Variants in TBC1D16 observed in about 807,000 individuals in gnomAD.
TBC1D16 encodes the protein TBC1 domain family member 16, also known as CTD-2529O21.1.
In TBC1D16, 58 loss-of-function variants were observed where a neutral mutation model predicts 74.7. The ratio of observed to expected loss-of-function variants is 0.78; its 90% confidence interval spans 0.63 to 0.97. The LOEUF is 0.97. Ranked by LOEUF, TBC1D16 falls within the 50% of genes least tolerant of loss-of-function variation. The probability of loss-of-function intolerance (pLI) is 0.00; values close to 1 mark genes in which losing one functional copy is unlikely to be tolerated. For synonymous variants in TBC1D16, 493 were observed against 474.7 expected, an observed-to-expected ratio of 1.04 and a Z score of -0.50; for missense variants, 1,014 against 1,079.5, an observed-to-expected ratio of 0.94 and a Z score of 0.85.
chr17:79,937,547 T>G lies in TBC1D16; in HGVS notation c.*3312A>C, dbSNP rs1598300752. ...ACAGTGGCTGCTCATGGAGCTGCCC[T>G]CCCACCTTCAGACCCTCCTCCTCCC... is the stretch of plus-strand genomic sequence containing the variant. On this transcript the variant is annotated 3_prime_UTR_variant, in exon 12 of 12. Transcript: ENST00000310924. 6.6e-6 allele frequency: 1 copy of G among 152,284 alleles called. No individual in the cohort carries two copies. Among genetic ancestry groups the G allele is most frequent in the East Asian group, 1.9e-4 (1 of 5,192 alleles). The allele number at this position is 152,284 out of a possible 1,614,324, so 9.4% of individuals were successfully genotyped here.
intron 3 of TBC1D16, among the ~76,000 whole-genome samples, chr17:79,974,750 G>C (rs937171868): frequency 2.0e-5 from 3 of 152,194 alleles, no homozygotes; most frequent in Non-Finnish European, 4.4e-5. Flanking sequence ...CCACACAGTA[G>C]GGCTAGCTAA....
intron 1 of TBC1D16, among the ~76,000 whole-genome samples, chr17:80,013,994 A>C (rs1038415314): frequency 1.3e-5 from 2 of 151,862 alleles, no homozygotes; most frequent in Non-Finnish European, 2.9e-5. Context: ...TTTTTTCACA[A>C]AAAAAAACGT....
intron 6 of TBC1D16, 107 bp from the exon 7 acceptor site, chr17:79,949,972 A>G (rs1337704342): frequency 2.2e-6 from 3 of 1,338,618 alleles, no homozygotes; most frequent in African/African-American, 2.9e-5. Context: ...GCCTTGATTC[A>G]GATCTCTGCA....
rs558341811 is a variant in TBC1D16, at chr17:79,985,645, A to C, written c.779+24515T>G. 3.9e-5 allele frequency among the ~76,000 whole-genome samples: 6 copies of C among 152,266 alleles called. No homozygotes were observed. Among genetic ancestry groups the C allele is most frequent in the Non-Finnish European group, 7.4e-5 (5 of 68,012 alleles). On this transcript the variant is annotated intron_variant, in intron 3 of 11. Transcript: ENST00000310924. This position sits in a 1 kb window ranked among gnomAD's most constrained non-coding sequence, Gnocchi z 4.9. ...CCCCATCCGGTGGCAGCCATTCCGC[A>C]TTGATCTCCATTTGCTTTTCAAACA...
chr17:79,992,109 A>G (rs2035087855), intron 3 of TBC1D16: 1 of 152,214 alleles, frequency 6.6e-6, no homozygotes, highest in African/African-American at 2.4e-5. Flanking sequence ...CGTGGACCCT[A>G]CAAAGACGCC....
In TBC1D16 at chr17:80,010,583, G is replaced by A. The variant is rs530745420; in HGVS notation, c.356C>T (p.Ser119Leu). ...PRPRGRRTRS[S>L]GASHQPSPTE... ...CGGGGAGGGCTGGTGGGAGGCTCCT[G>A]AGCTCCGGGTGCGCCGGCCCCGAGG... The change falls in exon 3 of 12, where the codon TCA (serine) becomes TTA (leucine). Residue 119 changes from serine (S) to leucine (L), a missense_variant. Transcript: ENST00000310924. The surrounding 1 kb of genome is among the most constrained non-coding windows in gnomAD (Gnocchi z 8.8). The A allele has an allele frequency of 1.1e-5, 18 of 1,595,100 alleles. No individual in the cohort carries two copies. The East Asian group carries it at 3.4e-4, about 30-fold the overall frequency.
At chr17:79,965,916 C>T (rs118074532) in intron 3 of TBC1D16, among the ~76,000 whole-genome samples, 423 of 152,334 alleles carry the variant, frequency 2.8e-3, no homozygotes, top group Admixed American at 4.8e-3. Context: ...TTGGCCTGGT[C>T]GCCTCTTTCC....
In TBC1D16 at chr17:79,990,717, C is replaced by A. The variant is rs938621363; in HGVS notation, c.779+19443G>T. Reference sequence around the variant, plus strand: ...CTCCAGAACTCTCCTTCTTCCCAAACTGAAGCTTTGTCTCCATGAAACACC... The same window carrying A: ...CTCCAGAACTCTCCTTCTTCCCAAAATGAAGCTTTGTCTCCATGAAACACC... On this transcript the variant is annotated intron_variant, in intron 3 of 11. Transcript: ENST00000310924. The surrounding 1 kb of genome is among the most constrained non-coding windows in gnomAD (Gnocchi z 4.8). Among the ~76,000 whole-genome samples the A allele has an allele frequency of 2.0e-5, 3 of 152,342 alleles. No homozygotes were observed. The highest frequency in any genetic ancestry group is 4.4e-5 in the Non-Finnish European group (3 of 68,024).
At chr17:80,019,440 C>CG (rs747732451) in intron 1 of TBC1D16, among the ~76,000 whole-genome samples, 1 of 19,092 alleles carries the variant, frequency 5.2e-5, no homozygotes, top group Non-Finnish European at 1.3e-4. Context: ...ACCAGGACAA[C>CG]CCCCCCCCGC....
chr17:79,946,590 ACT>A (rs1263845005), intron 9 of TBC1D16, among the ~76,000 whole-genome samples: 1 of 151,236 alleles, frequency 6.6e-6, no homozygotes, highest in Admixed American at 6.6e-5. Flanking sequence ...TACAAGTCAC[ACT>A]CTGTGTCCTG....
rs1475271184 is a variant in TBC1D16 at position 80,013,586 on chromosome 17, C to T, written c.-39G>A. The T allele has an allele frequency of 9.6e-6, 14 of 1,452,304 alleles. No individual in the cohort carries two copies. Among genetic ancestry groups the T allele is most frequent in the South Asian group, 4.4e-5 (3 of 68,936 alleles). The allele number at this position is 1,452,304 out of a possible 1,614,324, so 90.0% of individuals were successfully genotyped here. A position where few individuals can be genotyped will look rare whatever the true frequency, so the allele number is the denominator to read the frequency against. ...TTTCCATCCTCCGCATGCGTCGGCC[C>T]GGGCAGGGCTCGTCAAGACCTGCCT... is the stretch of plus-strand genomic sequence containing the variant. On this transcript the variant is annotated 5_prime_UTR_variant, in exon 2 of 12. Transcript: ENST00000310924.
chr17:79,948,186 G>C (rs565834149), intron 8 of TBC1D16, among the ~76,000 whole-genome samples: 2 of 152,056 alleles, frequency 1.3e-5, no homozygotes, highest in African/African-American at 4.8e-5. Context: ...TGGGGTGCAC[G>C]CCTGTAATCT....
At chr17:79,969,663 C>T (rs533792006) in intron 3 of TBC1D16, among the ~76,000 whole-genome samples, 18 of 152,158 alleles carry the variant, frequency 1.2e-4, no homozygotes, top group Admixed American at 2.0e-4. Context: ...AAAATAGGGC[C>T]GGGCACGGTG....
At position 79,971,194 on chromosome 17, in the gene TBC1D16, T is replaced by C. The variant is rs1440356903; in HGVS notation, c.780-18376A>G. 2.0e-5 allele frequency among the ~76,000 whole-genome samples: 3 copies of C among 151,984 alleles called. No individual in the cohort carries two copies. Among genetic ancestry groups the C allele is most frequent in the African/African-American group, 7.2e-5 (3 of 41,380 alleles). On this transcript the variant is annotated intron_variant, in intron 3 of 11. Coordinates refer to ENST00000310924, the MANE Select transcript of TBC1D16 (RefSeq NM_019020.4). The surrounding 1 kb of genome is among the most constrained non-coding windows in gnomAD (Gnocchi z 4.6). ...TGCACCACCAAGCCCGGCTAATTTG[T>C]GTATTTTTAGTAGAGATGGGGTTTC... is the stretch of plus-strand genomic sequence containing the variant.
intron 1 of TBC1D16, among the ~76,000 whole-genome samples, chr17:80,025,349 G>C (rs1308450401): frequency 2.6e-3 from 1 of 384 alleles, no homozygotes; most frequent in Admixed American, 0.056. Flanking sequence ...GGCGGATCCG[G>C]GGCCGCAGGA....
intron 3 of TBC1D16, among the ~76,000 whole-genome samples, chr17:79,966,492 C>T (rs1225521926): frequency 6.6e-6 from 1 of 152,036 alleles, no homozygotes; most frequent in Non-Finnish European, 1.5e-5. Flanking sequence ...TCTCTCTGGT[C>T]GGCCTGCTCT....
In TBC1D16 at chr17:80,035,748, C is replaced by A. The variant is rs2143531622; in HGVS notation, c.-63+47G>T. On this transcript the variant is annotated intron_variant, in intron 1 of 11. Coordinates refer to ENST00000310924, the MANE Select transcript of TBC1D16 (RefSeq NM_019020.4). This position sits in a 1 kb window ranked among gnomAD's most constrained non-coding sequence, Gnocchi z 5.3. ...GGGGCGCTGCTCGCTGCGCGGTGGA[C>A]CCCTCGGACCCCGCCCCCGCGGCCC... 1 of 147,410 alleles carries A rather than the reference C, an allele frequency of 6.8e-6. No homozygotes were observed. Among genetic ancestry groups the A allele is most frequent in the Admixed American group, 6.7e-5 (1 of 14,870 alleles). 9.1% of individuals were successfully genotyped at this position (147,410 alleles called of 1,614,324 possible). A position where few individuals can be genotyped will look rare whatever the true frequency, so the allele number is the denominator to read the frequency against.
At chr17:79,953,795 G>A (rs113544712) in intron 3 of TBC1D16, among the ~76,000 whole-genome samples, 20,081 of 148,970 alleles carry the variant, frequency 0.13, 1,714 homozygotes, top group East Asian at 0.38. Flanking sequence ...TTTTTGAGAC[G>A]GAGTCTCGCT....
intron 3 of TBC1D16, among the ~76,000 whole-genome samples, chr17:79,962,009 A>C (rs2033636780): frequency 6.6e-6 from 1 of 152,170 alleles, no homozygotes; most frequent in South Asian, 2.1e-4. Flanking sequence ...GCATGGACGC[A>C]TGACAAAATT....
Sources: allele counts gnomAD v4.1 joint callset (sites outside exome capture counted in the v4.1 genomes callset), GRCh38; gene constraint gnomAD v4.1.1; non-coding constraint Gnocchi (gnomAD v3.1); transcripts MANE v1.5; gene names NCBI Gene and HGNC (gene_info 2026-07-23, HGNC 2026-07-21).